Variants in MAD1L1 observed in about 807,000 individuals in gnomAD.
The protein encoded by MAD1L1 is mitotic spindle assembly checkpoint protein MAD1.
A neutral mutation model predicts 96.9 loss-of-function variants in MAD1L1; 95 were observed. The ratio of observed to expected loss-of-function variants is 0.98; its 90% CI spans 0.83 to 1.16. MAD1L1 has a LOEUF of 1.16. Among genes scored for constraint, MAD1L1 ranks in the 50% most tolerant of loss-of-function variants. The probability of loss-of-function intolerance (pLI) is 0.00; values close to 1 mark genes in which losing one functional copy is unlikely to be tolerated. For missense variants in MAD1L1, 1,007 were observed against 954.4 expected (o/e 1.06, Z -0.73); for synonymous variants, 473 against 396.6 (o/e 1.19, Z -2.29).
intron 3 of MAD1L1, among the ~76,000 whole-genome samples, chr7:2,228,354 G>A (rs1794016712): frequency 6.6e-6 from 1 of 151,976 alleles, no homozygotes; most frequent in Admixed American, 6.6e-5. Flanking sequence ...CGCCTCCCAG[G>A]TTCAAGCGAT....
intron 11 of MAD1L1, among the ~76,000 whole-genome samples, chr7:2,145,224 AAGC>A (rs1275829313): frequency 6.6e-6 from 1 of 152,026 alleles, no homozygotes; most frequent in African/African-American, 2.4e-5. Flanking sequence ...CTGAATCCTC[AAGC>A]AGCCCCACAG....
At chr7:2,192,764 T>C (rs553775876) in intron 10 of MAD1L1, among the ~76,000 whole-genome samples, 1 of 152,350 alleles carries the variant, frequency 6.6e-6, no homozygotes, top group Non-Finnish European at 1.5e-5. Flanking sequence ...AATAAATTTA[T>C]ACCAAGTTTC....
intron 16 of MAD1L1, among the ~76,000 whole-genome samples, chr7:1,938,713 A>G (rs1222402537): frequency 6.6e-6 from 1 of 152,100 alleles, no homozygotes; most frequent in East Asian, 1.9e-4. Context: ...AGGTGCACAC[A>G]CATGGGCCAG....
chr7:2,204,975 G>A (rs1792514841), intron 10 of MAD1L1, among the ~76,000 whole-genome samples: 1 of 151,962 alleles, frequency 6.6e-6, no homozygotes, highest in African/African-American at 2.4e-5. Context: ...TTTATTGGGT[G>A]CCCAGTGGTA....
intron 17 of MAD1L1, among the ~76,000 whole-genome samples, chr7:1,901,845 G>A (rs1213961484): frequency 6.6e-6 from 1 of 152,222 alleles, no homozygotes; most frequent in African/African-American, 2.4e-5. Context: ...TGCCTAGGAA[G>A]CAGCAACTCC....
At chr7:1,825,178 G>A (rs1782327371) in intron 18 of MAD1L1, among the ~76,000 whole-genome samples, 1 of 152,212 alleles carries the variant, frequency 6.6e-6, no homozygotes, top group Non-Finnish European at 1.5e-5. Flanking sequence ...TGAGCACACG[G>A]GTTCCCCACT....
chr7:2,203,936 A>G (rs1792450148), intron 10 of MAD1L1, among the ~76,000 whole-genome samples: 1 of 152,202 alleles, frequency 6.6e-6, no homozygotes, highest in South Asian at 2.1e-4. Context: ...GATGGCTAGG[A>G]AGCTGTGACA....
intron 17 of MAD1L1, among the ~76,000 whole-genome samples, chr7:1,903,949 G>T (rs1363859149): frequency 3.6e-5 from 4 of 110,742 alleles, no homozygotes; most frequent in Admixed American, 1.0e-4. Flanking sequence ...AGTGGCCTAC[G>T]GAAGACACTC....
At chr7:2,021,819 T>C (rs977614272) in intron 12 of MAD1L1, among the ~76,000 whole-genome samples, 4 of 151,824 alleles carry the variant, frequency 2.6e-5, no homozygotes, top group Admixed American at 6.6e-5. Flanking sequence ...CTGGGGGAGA[T>C]TGGTCATTGG....
At chr7:2,129,914 C>A (rs539686442) in intron 11 of MAD1L1, among the ~76,000 whole-genome samples, 3 of 152,302 alleles carry the variant, frequency 2.0e-5, no homozygotes, top group African/African-American at 7.2e-5. Context: ...TCCCATGGCA[C>A]CCGCTGCCAG....
At chr7:1,953,874 C>G (rs978820085) in intron 16 of MAD1L1, among the ~76,000 whole-genome samples, 1 of 152,252 alleles carries the variant, frequency 6.6e-6, no homozygotes, top group Non-Finnish European at 1.5e-5. Context: ...AGGCTGCACA[C>G]TTCACACACA....
At chr7:1,978,798 C>T (rs945778010) in intron 15 of MAD1L1, among the ~76,000 whole-genome samples, 9 of 152,160 alleles carry the variant, frequency 5.9e-5, no homozygotes, top group Admixed American at 1.3e-4. Context: ...AGACGGAGAG[C>T]GCGTCGGGGC....
chr7:2,026,339 GAAGA>G (rs1253648975), intron 12 of MAD1L1, among the ~76,000 whole-genome samples: 30 of 152,082 alleles, frequency 2.0e-4, no homozygotes, highest in Non-Finnish European at 2.1e-4. Flanking sequence ...AAAATTAAAA[GAAGA>G]AATAGACAAA....
chr7:2,018,557 A>G (rs1044765106), intron 12 of MAD1L1, among the ~76,000 whole-genome samples: 1 of 152,190 alleles, frequency 6.6e-6, no homozygotes, highest in Non-Finnish European at 1.5e-5. Flanking sequence ...AGTCCACACC[A>G]TGGACACAGA....
intron 13 of MAD1L1, among the ~76,000 whole-genome samples, chr7:2,002,617 C>G (rs1022828353): frequency 7.9e-5 from 12 of 152,220 alleles, no homozygotes; most frequent in African/African-American, 2.9e-4. Context: ...CAAGCAGGAC[C>G]CCGACCCAGG....
intron 11 of MAD1L1, among the ~76,000 whole-genome samples, chr7:2,073,050 A>C (rs909222142): frequency 6.6e-6 from 1 of 152,160 alleles, no homozygotes; most frequent in Non-Finnish European, 1.5e-5. Context: ...CAGGAACTGG[A>C]TGTGGCCTGA....
Position 2,003,484 on chromosome 7 carries a change from C to A in MAD1L1, c.1360-1363G>T, listed in dbSNP as rs574375964. Among the ~76,000 whole-genome samples, 437 of 152,230 alleles carry A rather than the reference C, an allele frequency of 2.9e-3. 1 individual carries two copies. Among genetic ancestry groups the A allele is most frequent in the African/African-American group, 9.8e-3 (406 of 41,528 alleles). ...AGCTCCCCTACAGGCCCAGCCAGAGCCAGGCTCTGGACTTCCCACGGGCTA... is the reference window on the plus strand; with the variant it reads ...AGCTCCCCTACAGGCCCAGCCAGAGACAGGCTCTGGACTTCCCACGGGCTA... On this transcript the variant is annotated intron_variant, in intron 13 of 18. Coordinates refer to ENST00000265854, the MANE Select transcript of MAD1L1 (RefSeq NM_001013836.2).
intron 14 of MAD1L1, among the ~76,000 whole-genome samples, chr7:1,995,287 G>A (rs973549396): frequency 1.3e-5 from 2 of 152,150 alleles, no homozygotes; most frequent in African/African-American, 2.4e-5. Flanking sequence ...AACGGGCAGC[G>A]AGCCTGGAAC....
At chr7:2,077,155 G>A (rs148462386) in intron 11 of MAD1L1, among the ~76,000 whole-genome samples, 73 of 152,322 alleles carry the variant, frequency 4.8e-4, no homozygotes, top group Admixed American at 1.4e-3. Flanking sequence ...CGGTGAGCCT[G>A]CCAGTGGCCT....
Sources: allele counts gnomAD v4.1 joint callset (sites outside exome capture counted in the v4.1 genomes callset), GRCh38; gene constraint gnomAD v4.1.1; transcripts MANE v1.5; gene names NCBI Gene and HGNC (gene_info 2026-07-23, HGNC 2026-07-21).